MYBL2: variants seen among roughly 807,000 people sequenced by gnomAD.
MYBL2 encodes myb-related protein B.
A neutral mutation model predicts 79.9 loss-of-function variants in MYBL2; 28 were observed. The ratio of observed to expected loss-of-function variants is 0.35; its 90% CI spans 0.26 to 0.48. MYBL2 has a LOEUF of 0.48. Ranked by LOEUF, MYBL2 falls within the 20% of genes least tolerant of loss-of-function variation. The pLI, the probability that MYBL2 is intolerant of heterozygous loss-of-function variation, is 0.99. For synonymous variants in MYBL2, 378 were observed against 361.2 expected, an observed-to-expected ratio of 1.05 and a Z score of -0.53; for missense variants, 735 against 893.9, an observed-to-expected ratio of 0.82 and a Z score of 2.27.
At chr20:43,698,471 G>A (rs939388338) in intron 6 of MYBL2, among the ~76,000 whole-genome samples, 2 of 136,710 alleles carry the variant, frequency 1.5e-5, no homozygotes, top group South Asian at 2.3e-4. Flanking sequence ...TCCATCTTCC[G>A]GGTTCACACC....
intron 6 of MYBL2, among the ~76,000 whole-genome samples, chr20:43,694,396 T>TTA (rs3092195): frequency 0.91 from 137,987 of 151,870 alleles, 62,789 homozygotes; most frequent in South Asian, 0.93. Context: ...TGACAAAAAA[T>TTA]AGATTTGATG....
chr20:43,682,827 C>CT lies in MYBL2; in HGVS notation c.221dup (p.Arg75GlufsTer25). The CT allele has an allele frequency of 5.6e-6, 9 of 1,614,088 alleles. No homozygotes were observed. The highest frequency in any genetic ancestry group is 7.6e-6 in the Non-Finnish European group (9 of 1,179,958). ...TGACCAGCAATGCCAGTACAGGTGGCTGAGAGTTTTGAATCCAGACCTTGT... is the reference window on the plus strand; with the variant it reads ...TGACCAGCAATGCCAGTACAGGTGGCTTGAGAGTTTTGAATCCAGACCTTGT... On this transcript the variant is annotated frameshift_variant, in exon 4 of 14. Coordinates refer to ENST00000217026, the MANE Select transcript of MYBL2 (RefSeq NM_002466.4). LOFTEE classifies it high-confidence loss of function.
intron 1 of MYBL2, among the ~76,000 whole-genome samples, chr20:43,670,211 G>A (rs1986824528): frequency 6.6e-6 from 1 of 152,240 alleles, no homozygotes; most frequent in African/African-American, 2.4e-5. Context: ...TTAGAAGCCA[G>A]GCCTTTGTGC....
intron 1 of MYBL2, among the ~76,000 whole-genome samples, chr20:43,672,728 CAG>C (rs973416930): frequency 1.3e-5 from 2 of 152,098 alleles, no homozygotes; most frequent in African/African-American, 2.4e-5. Context: ...GTCTGGGTAA[CAG>C]AGCCAGACTC....
intron 9 of MYBL2, among the ~76,000 whole-genome samples, chr20:43,705,858 G>A (rs997520364): frequency 1.5e-4 from 23 of 151,850 alleles, no homozygotes; most frequent in African/African-American, 4.8e-4. Flanking sequence ...CCGCCACCGC[G>A]CTCAGCTAAT....
rs192539865 is a variant in MYBL2 at position 43,701,532 on chromosome 20, C to T, written c.952-958C>T. 2.5e-3 allele frequency among the ~76,000 whole-genome samples: 376 copies of T among 152,286 alleles called. 1 individual carries two copies. The highest frequency in any genetic ancestry group is 3.7e-3 in the Non-Finnish European group (255 of 68,024). On this transcript the variant is annotated intron_variant, in intron 7 of 13. Transcript: ENST00000217026. Reference sequence around the variant, plus strand: ...AAAGGAGGGAAAACCTGTAGTGACTCACGGGCTTGTTCTAGAAGCTGAGTG... The same window carrying T: ...AAAGGAGGGAAAACCTGTAGTGACTTACGGGCTTGTTCTAGAAGCTGAGTG...
In MYBL2 at chr20:43,678,336, A is replaced by G. The variant is rs201001374; in HGVS notation, c.115-3448A>G. Among the ~76,000 whole-genome samples the G allele has an allele frequency of 2.5e-3, 29 of 11,806 alleles. 1 individual carries two copies. In the Admixed American group the frequency reaches 0.025, roughly 10 times the overall value. 7.7% of individuals were successfully genotyped at this position (11,806 alleles called of 152,430 possible). On this transcript the variant is annotated intron_variant, in intron 2 of 13. Transcript: ENST00000217026. ...TAAAGAAAGAAAGAAAGAAAGAAAA[A>G]AAAAAAAAAAGAAAGGATACACTGG...
At chr20:43,683,671 A>G (rs377180659) in intron 4 of MYBL2, among the ~76,000 whole-genome samples, 111 of 145,742 alleles carry the variant, frequency 7.6e-4, no homozygotes, top group African/African-American at 2.7e-3. Context: ...CTCGTGTCTT[A>G]GCCTCTTGAT....
At chr20:43,671,093 C>A (rs147602207) in intron 1 of MYBL2, among the ~76,000 whole-genome samples, 7 of 151,662 alleles carry the variant, frequency 4.6e-5, no homozygotes, top group Non-Finnish European at 1.0e-4. Context: ...CTCAGTTTCC[C>A]GAGTAGCTAG....
At chr20:43,698,351 A>ATTTTTTTTTTTTTT (rs71193701) in intron 6 of MYBL2, among the ~76,000 whole-genome samples, 1 of 49,090 alleles carries the variant, frequency 2.0e-5, no homozygotes, top group East Asian at 6.3e-4. Context: ...CGCCCCGCAT[A>ATTTTTTTTTTTTTT]TTTTTTTTTT....
chr20:43,678,954 A>C lies in MYBL2; in HGVS notation c.115-2830A>C, dbSNP rs570815636. Among the ~76,000 whole-genome samples the C allele has an allele frequency of 3.3e-5, 5 of 152,010 alleles. No individual in the cohort carries two copies. The East Asian group carries it at 7.7e-4, about 24-fold the overall frequency. On this transcript the variant is annotated intron_variant, in intron 2 of 13. Coordinates refer to ENST00000217026, the MANE Select transcript of MYBL2 (RefSeq NM_002466.4). ...GGAGAGGGCGCTGTGCCAGGCAAGC[A>C]AGAGGTGGCTGTGGAGAGGGCAGTG...
intron 8 of MYBL2, among the ~76,000 whole-genome samples, chr20:43,703,516 C>A (rs531293324): frequency 5.8e-4 from 88 of 152,238 alleles, no homozygotes; most frequent in African/African-American, 2.0e-3. Flanking sequence ...GGGCACCTGG[C>A]CTTCCTGCAG....
chr20:43,687,979 T>C (rs1987318114), intron 5 of MYBL2, among the ~76,000 whole-genome samples: 1 of 138,118 alleles, frequency 7.2e-6, no homozygotes, highest in Non-Finnish European at 1.5e-5. Flanking sequence ...ATCACTGCAC[T>C]CCAGCCTGGG....
intron 12 of MYBL2, among the ~76,000 whole-genome samples, chr20:43,713,754 C>T (rs1433090156): frequency 1.3e-5 from 2 of 152,130 alleles, no homozygotes; most frequent in African/African-American, 4.8e-5. Context: ...GCTATACAGC[C>T]CCCAGGCCAG....
chr20:43,667,338 C>G (rs1388757361), intron 1 of MYBL2, 35 bp downstream of exon 1: 7 of 1,215,538 alleles, frequency 5.8e-6, no homozygotes, highest in Non-Finnish European at 6.2e-6. Flanking sequence ...GCCCCTCCCC[C>G]TCCCTTTAAC....
At position 43,700,009 on chromosome 20, in the gene MYBL2, T is replaced by G. The variant is rs995857322; in HGVS notation, c.916T>G (p.Ser306Ala). ...AANLLIPAVGSSLSEALDLIE... is the reference protein window; with the variant it reads ...AANLLIPAVGASLSEALDLIE... Reference sequence around the variant, plus strand: ...TAACCTCCTCATCCCTGCTGTGGGTTCTAGCCTCTCTGAAGCCCTGGACTT... The same window carrying G: ...TAACCTCCTCATCCCTGCTGTGGGTGCTAGCCTCTCTGAAGCCCTGGACTT... The change falls in exon 7 of 14, where the codon TCT (serine) becomes GCT (alanine). Residue 306 changes from serine to alanine, a missense_variant. Physicochemically the swap from Ser to Ala is moderately conservative, Grantham distance 99. This residue lies in a region of MYBL2 where 243 missense variants were observed against 327.2 expected (regional missense o/e 0.74). Transcript: ENST00000217026. 1 of 1,614,058 alleles carries G rather than the reference T, an allele frequency of 6.2e-7. No individual in the cohort carries two copies. Among genetic ancestry groups the G allele is most frequent in the African/African-American group, 1.3e-5 (1 of 75,036 alleles).
chr20:43,714,008 A>G (rs1170865356), intron 12 of MYBL2, among the ~76,000 whole-genome samples: 1 of 152,096 alleles, frequency 6.6e-6, no homozygotes, highest in African/African-American at 2.4e-5. Flanking sequence ...TTGCAGAGAA[A>G]CCTTGTCCTG....
intron 11 of MYBL2, among the ~76,000 whole-genome samples, 155 bp downstream of exon 11, chr20:43,711,756 A>G (rs1987913706): frequency 1.3e-5 from 2 of 152,054 alleles, no homozygotes; most frequent in Admixed American, 6.5e-5. Context: ...GTTGTTGAGG[A>G]AACTGACAAG....
rs1286349946 is a variant in MYBL2 at position 43,673,942 on chromosome 20, T to G, written c.114+43T>G. ...GAGAGGGTTGATGGCAGCTGGGGGC[T>G]GTCCAGAGGAACTGAGCCTGGAGTG... On this transcript the variant is annotated intron_variant, in intron 2 of 13. Coordinates refer to ENST00000217026, the MANE Select transcript of MYBL2 (RefSeq NM_002466.4). 4.7e-6 allele frequency: 7 copies of G among 1,503,748 alleles called. No homozygotes were observed. In the South Asian group the frequency reaches 6.0e-5, roughly 13 times the overall value. The allele number at this position is 1,503,748 out of a possible 1,614,324, so 93.2% of individuals were successfully genotyped here.
Sources: gnomAD v4.1 joint callset for allele counts (sites outside exome capture counted in the v4.1 genomes callset) on GRCh38, gnomAD v4.1.1 for gene constraint, gnomAD v4.1.1 regional missense constraint, MANE v1.5 for transcripts, NCBI Gene and HGNC (gene_info 2026-07-23, HGNC 2026-07-21) for gene names.